MTA3: variants seen among roughly 807,000 people sequenced by gnomAD.
MTA3 encodes the protein metastasis associated 1 family member 3.
MTA3 carries 34 observed loss-of-function variants against 83.5 expected under a neutral mutation model. That is an observed-to-expected ratio of 0.41 (90% CI 0.31 to 0.54). MTA3 has a LOEUF of 0.54. Among genes scored for constraint, MTA3 ranks in the 20% least tolerant of loss-of-function variants. MTA3 has a pLI of 0.33. For missense variants in MTA3, 761 were observed against 726.4 expected (o/e 1.05, Z -0.55); for synonymous variants, 303 against 252.7 (o/e 1.20, Z -1.89).
At chr2:42,545,971 G>A (rs937473803) in intron 2 of MTA3, among the ~76,000 whole-genome samples, 2 of 152,178 alleles carry the variant, frequency 1.3e-5, no homozygotes, top group South Asian at 2.1e-4. Flanking sequence ...TTCAAGAAAT[G>A]AAAGACAGGC....
rs1670097228 is a variant in MTA3, at chr2:42,754,370, A to G, written c.*971A>G. 4.1e-6 allele frequency: 4 copies of G among 985,360 alleles called. 1 individual carries two copies. In the South Asian group the frequency reaches 1.4e-4, roughly 35 times the overall value. 61.0% of individuals were successfully genotyped at this position (985,360 alleles called of 1,614,324 possible). On this transcript the variant is annotated 3_prime_UTR_variant, in exon 17 of 17. Coordinates refer to ENST00000405094, the MANE Select transcript of MTA3 (RefSeq NM_001330442.2). Reference sequence around the variant, plus strand: ...GGTATGAGTCTGTGTGGCCAACCCCATGACCCCCACCCCTCCAGCCCAACA... The same window carrying G: ...GGTATGAGTCTGTGTGGCCAACCCCGTGACCCCCACCCCTCCAGCCCAACA...
chr2:42,614,711 A>G (rs1350998154), intron 4 of MTA3, among the ~76,000 whole-genome samples: 2 of 152,100 alleles, frequency 1.3e-5, no homozygotes, highest in Non-Finnish European at 2.9e-5. Context: ...GCAGTGGCTC[A>G]TGCCTGTAAT....
chr2:42,545,170 G>A (rs1676703289), intron 2 of MTA3, among the ~76,000 whole-genome samples: 1 of 152,088 alleles, frequency 6.6e-6, no homozygotes. Context: ...TTGAGCCCAG[G>A]AGTTTGAGGC....
chr2:42,528,030 T>C (rs1675798601), intron 2 of MTA3, among the ~76,000 whole-genome samples: 1 of 152,116 alleles, frequency 6.6e-6, no homozygotes, highest in Non-Finnish European at 1.5e-5. Flanking sequence ...GTTCAAGTGA[T>C]TCTCTTGCCT....
At chr2:42,573,611 AG>A (rs1248124357) in intron 2 of MTA3, among the ~76,000 whole-genome samples, 1 of 151,806 alleles carries the variant, frequency 6.6e-6, no homozygotes, top group African/African-American at 2.4e-5. Context: ...CCTGGGTTCA[AG>A]CAATTCTTCT....
intron 8 of MTA3, among the ~76,000 whole-genome samples, chr2:42,675,631 C>T (rs922956360): frequency 6.6e-6 from 1 of 152,118 alleles, no homozygotes; most frequent in Non-Finnish European, 1.5e-5. Flanking sequence ...ACTATTCTGC[C>T]TTCTCTAACA....
chr2:42,497,634 A>C (rs1481017161), intron 2 of MTA3, among the ~76,000 whole-genome samples: 1 of 152,114 alleles, frequency 6.6e-6, no homozygotes, highest in Non-Finnish European at 1.5e-5. Flanking sequence ...TCTAGGCTCA[A>C]ACCCTGGCTG....
chr2:42,709,117 T>A, intron 14 of MTA3, 21 bp downstream of exon 14: 2 of 1,564,866 alleles, frequency 1.3e-6, no homozygotes, highest in Admixed American at 3.9e-5. Context: ...TTTAAATTCT[T>A]AACCTTATAT....
chr2:42,588,294 A>G (rs1158728438), intron 3 of MTA3, among the ~76,000 whole-genome samples: 1 of 152,200 alleles, frequency 6.6e-6, no homozygotes, highest in Non-Finnish European at 1.5e-5. Flanking sequence ...GTGGAGTTTT[A>G]CTATGTATTC....
intron 3 of MTA3, among the ~76,000 whole-genome samples, chr2:42,606,080 C>CCA (rs1326025049): frequency 8.0e-6 from 1 of 124,460 alleles, no homozygotes; most frequent in African/African-American, 3.1e-5. Flanking sequence ...CTGACCCCCC[C>CCA]TCTCCCTCCC....
At chr2:42,605,929 C>T (rs1282329853) in intron 3 of MTA3, among the ~76,000 whole-genome samples, 16 of 54,376 alleles carry the variant, frequency 2.9e-4, no homozygotes, top group Admixed American at 6.2e-4. Flanking sequence ...GCAGAGGCGC[C>T]CCTCACCTCC....
At chr2:42,609,621 C>T (rs377628084) in intron 4 of MTA3, 37 bp downstream of exon 4, 73 of 1,558,664 alleles carry the variant, frequency 4.7e-5, no homozygotes, top group Non-Finnish European at 6.0e-5. Context: ...CTCAGTACTA[C>T]GGTGACCAAA....
At chr2:42,711,227 ACT>A (rs1232822068) in intron 14 of MTA3, among the ~76,000 whole-genome samples, 9 of 152,130 alleles carry the variant, frequency 5.9e-5, no homozygotes, top group South Asian at 2.1e-4. Flanking sequence ...TGCTGAGGAA[ACT>A]CTGTTTCCCC....
At position 42,579,533 on chromosome 2, in the gene MTA3, C is replaced by A. The variant is rs939255264; in HGVS notation, c.190+333C>A. Among the ~76,000 whole-genome samples the A allele has an allele frequency of 7.9e-5, 12 of 151,032 alleles. 1 individual carries two copies. On this transcript the variant is annotated intron_variant, in intron 3 of 16. Coordinates refer to ENST00000405094, the MANE Select transcript of MTA3 (RefSeq NM_001330442.2). Reference sequence around the variant, plus strand: ...CCTCAAAATCACAGGCTCAAGTGAGCCTCCTGCCTCATCCTTGCAAAGTGC... The same window carrying A: ...CCTCAAAATCACAGGCTCAAGTGAGACTCCTGCCTCATCCTTGCAAAGTGC...
chr2:42,532,063 A>G (rs1676006376), intron 2 of MTA3, among the ~76,000 whole-genome samples: 1 of 152,244 alleles, frequency 6.6e-6, no homozygotes, highest in Non-Finnish European at 1.5e-5. Context: ...ACCAAAATCC[A>G]GCTTTTTAAT....
chr2:42,633,169 A>T (rs1054638655), intron 4 of MTA3, among the ~76,000 whole-genome samples: 3 of 151,878 alleles, frequency 2.0e-5, no homozygotes, highest in Non-Finnish European at 2.9e-5. Flanking sequence ...AGGCTGAGGC[A>T]GGAGAATCGT....
chr2:42,610,829 G>A (rs1209364370), intron 4 of MTA3, among the ~76,000 whole-genome samples: 1 of 152,030 alleles, frequency 6.6e-6, no homozygotes, highest in African/African-American at 2.4e-5. Context: ...GGATGTGTGA[G>A]CAAGTGCAGT....
chr2:42,574,529 C>G (rs932997107), intron 2 of MTA3, among the ~76,000 whole-genome samples: 6 of 152,202 alleles, frequency 3.9e-5, no homozygotes, highest in Non-Finnish European at 7.4e-5. Flanking sequence ...CTCCTCCTCC[C>G]AGGTTCAAGT....
intron 3 of MTA3, among the ~76,000 whole-genome samples, chr2:42,599,687 G>A (rs1682308793): frequency 6.6e-6 from 1 of 152,136 alleles, no homozygotes; most frequent in South Asian, 2.1e-4. Context: ...TCAAGGTTAA[G>A]ATGTTGTAAA....
Sources: allele counts gnomAD v4.1 joint callset (sites outside exome capture counted in the v4.1 genomes callset), GRCh38; gene constraint gnomAD v4.1.1; transcripts MANE v1.5; gene names NCBI Gene and HGNC (gene_info 2026-07-23, HGNC 2026-07-21).